The following GRIN2A variants were observed in gnomAD, a reference collection of about 807,000 sequenced individuals.
GRIN2A encodes the protein glutamate receptor ionotropic, NMDA 2A.
Under a neutral mutation model 113.4 loss-of-function variants are expected in GRIN2A, and 22 were observed. The ratio of observed to expected loss-of-function variants is 0.19; its 90% CI spans 0.14 to 0.28. GRIN2A has a LOEUF of 0.28. Ranked by LOEUF, GRIN2A falls within the 10% of genes least tolerant of loss-of-function variation. The pLI, the probability that GRIN2A is intolerant of heterozygous loss-of-function variation, is 1.00. For synonymous variants in GRIN2A, 827 were observed against 738.4 expected (o/e 1.12, Z -1.94); for missense variants, 1,502 against 1,887.0 (o/e 0.80, Z 3.78).
intron 2 of GRIN2A, among the ~76,000 whole-genome samples, chr16:9,997,863 C>T (rs181914947): frequency 4.6e-5 from 7 of 152,314 alleles, no homozygotes; most frequent in African/African-American, 1.4e-4. Context: ...GTAAGACATG[C>T]CTTTGTTCCT....
intron 2 of GRIN2A, among the ~76,000 whole-genome samples, chr16:10,124,274 G>A (rs990642246): frequency 1.3e-5 from 2 of 152,084 alleles, no homozygotes; most frequent in Admixed American, 6.6e-5. Flanking sequence ...GAGATCCTTC[G>A]TTTGCTTACT....
intron 3 of GRIN2A, among the ~76,000 whole-genome samples, chr16:9,893,491 G>T (rs921736277): frequency 6.6e-6 from 1 of 151,992 alleles, no homozygotes; most frequent in African/African-American, 2.4e-5. Flanking sequence ...TTTTAAGACG[G>T]AGTCTCACTC....
chr16:9,853,462 C>T (rs564190544), intron 4 of GRIN2A, among the ~76,000 whole-genome samples: 2 of 152,276 alleles, frequency 1.3e-5, no homozygotes, highest in East Asian at 3.9e-4. Flanking sequence ...AAGAAGATTG[C>T]TGTCTATGAA....
At chr16:10,074,407 T>A (rs943812638) in intron 2 of GRIN2A, among the ~76,000 whole-genome samples, 1 of 152,312 alleles carries the variant, frequency 6.6e-6, no homozygotes, top group Non-Finnish European at 1.5e-5. Context: ...TGAAAACAGA[T>A]GTTCAAACAA....
At chr16:9,781,708 T>C (rs952048866) in intron 11 of GRIN2A, among the ~76,000 whole-genome samples, 1 of 138,428 alleles carries the variant, frequency 7.2e-6, no homozygotes, top group Non-Finnish European at 1.5e-5. Context: ...TCAAGACTCC[T>C]AGAGATCTTT....
intron 2 of GRIN2A, among the ~76,000 whole-genome samples, chr16:10,124,724 T>C (rs2048897667): frequency 6.6e-6 from 1 of 152,186 alleles, no homozygotes; most frequent in Admixed American, 6.5e-5. Context: ...TCAGGTGTTG[T>C]ACAAGACAGA....
chr16:9,936,904 GTGT>G (rs1268001125), intron 3 of GRIN2A, among the ~76,000 whole-genome samples: 1 of 152,174 alleles, frequency 6.6e-6, no homozygotes, highest in East Asian at 1.9e-4. Flanking sequence ...CTATAAATTG[GTGT>G]TGTTACTTTG....
At chr16:9,794,614 C>T (rs941249300) in intron 11 of GRIN2A, 6 of 152,170 alleles carry the variant, frequency 3.9e-5, no homozygotes, top group African/African-American at 1.4e-4. Context: ...TCTTATGCCT[C>T]CCGATGGCCT....
intron 3 of GRIN2A, among the ~76,000 whole-genome samples, chr16:9,931,766 C>T (rs994344593): frequency 6.6e-6 from 1 of 152,172 alleles, no homozygotes; most frequent in Non-Finnish European, 1.5e-5. Context: ...CACACGCACA[C>T]AAAAATGCAG....
chr16:9,839,421 C>T (rs531655922), intron 7 of GRIN2A, among the ~76,000 whole-genome samples: 44 of 149,244 alleles, frequency 2.9e-4, no homozygotes, highest in Non-Finnish European at 6.0e-4. Flanking sequence ...ATTTACAAAA[C>T]GGTTAAAAAA....
chr16:10,029,755 G>A (rs2046893861), intron 2 of GRIN2A, among the ~76,000 whole-genome samples: 1 of 152,072 alleles, frequency 6.6e-6, no homozygotes, highest in African/African-American at 2.4e-5. Flanking sequence ...AGCACTTTGG[G>A]AGGCCGAAGG....
At chr16:10,116,684 G>A (rs944237811) in intron 2 of GRIN2A, among the ~76,000 whole-genome samples, 5 of 152,152 alleles carry the variant, frequency 3.3e-5, no homozygotes, top group Admixed American at 3.3e-4. Flanking sequence ...AAATTCATGG[G>A]AAGGTTACTT....
At chr16:10,009,521 G>A (rs532797109) in intron 2 of GRIN2A, among the ~76,000 whole-genome samples, 1 of 152,082 alleles carries the variant, frequency 6.6e-6, no homozygotes, top group Admixed American at 6.5e-5. Context: ...TCCCAAGGAC[G>A]GCACAACCCC....
chr16:9,953,546 G>A (rs753043801), intron 2 of GRIN2A, among the ~76,000 whole-genome samples: 1 of 152,140 alleles, frequency 6.6e-6, no homozygotes, highest in Admixed American at 6.5e-5. Context: ...ATGAGAAAGG[G>A]GTCAGGGCTG....
chr16:9,830,943 A>G (rs1596473248), intron 8 of GRIN2A, among the ~76,000 whole-genome samples: 1 of 151,840 alleles, frequency 6.6e-6, no homozygotes, highest in Non-Finnish European at 1.5e-5. Context: ...ATGCACACTG[A>G]TCAGAAATGA....
At chr16:9,893,446 G>T (rs186249473) in intron 3 of GRIN2A, among the ~76,000 whole-genome samples, 1 of 152,070 alleles carries the variant, frequency 6.6e-6, no homozygotes, top group African/African-American at 2.4e-5. Flanking sequence ...TTCCTAGAAA[G>T]GTTTTTTGTT....
intron 2 of GRIN2A, among the ~76,000 whole-genome samples, chr16:9,953,115 C>G (rs1215296766): frequency 7.2e-5 from 11 of 152,150 alleles, no homozygotes; most frequent in Non-Finnish European, 4.4e-5. Flanking sequence ...CTCACTAAAG[C>G]AACTCCAGAA....
At chr16:9,990,526 C>T (rs746497574) in intron 2 of GRIN2A, among the ~76,000 whole-genome samples, 46 of 150,464 alleles carry the variant, frequency 3.1e-4, no homozygotes, top group Non-Finnish European at 5.9e-4. Flanking sequence ...ACACGCACCC[C>T]CTGAATCTCT....
At chr16:9,780,516 C>T (rs538769423) in intron 11 of GRIN2A, among the ~76,000 whole-genome samples, 11 of 152,256 alleles carry the variant, frequency 7.2e-5, no homozygotes, top group African/African-American at 2.2e-4. Flanking sequence ...AAGACAAAAC[C>T]ACCCCATGGT....
Sources: allele counts gnomAD v4.1 joint callset (sites outside exome capture counted in the v4.1 genomes callset), GRCh38; gene constraint gnomAD v4.1.1; transcripts MANE v1.5; gene names NCBI Gene and HGNC (gene_info 2026-07-23, HGNC 2026-07-21).